GPCPD1: variants seen among roughly 807,000 people sequenced by gnomAD.
The protein encoded by GPCPD1 is glycerophosphocholine phosphodiesterase 1.
Under a neutral mutation model 89.2 loss-of-function variants are expected in GPCPD1, and 29 were observed. The ratio of observed to expected loss-of-function variants is 0.33; its 90% CI spans 0.24 to 0.44. The LOEUF is 0.44. GPCPD1 is among the 20% of genes least tolerant of loss of function. The pLI is 1.00. For missense variants in GPCPD1, 594 were observed against 808.9 expected (o/e 0.73, Z 3.22); for synonymous variants, 258 against 266.3 (o/e 0.97, Z 0.30).
intron 1 of GPCPD1, among the ~76,000 whole-genome samples, chr20:5,610,262 C>T (rs1426710909): frequency 6.6e-6 from 1 of 152,130 alleles, no homozygotes; most frequent in Non-Finnish European, 1.5e-5. Context: ...AAAATTGTAT[C>T]GAGGGCACTC....
At chr20:5,581,899 T>A (rs1257885486) in intron 6 of GPCPD1, among the ~76,000 whole-genome samples, 1 of 130,338 alleles carries the variant, frequency 7.7e-6, no homozygotes, top group Non-Finnish European at 1.6e-5. Flanking sequence ...AAACTACTAC[T>A]CCAGGCCGGG....
chr20:5,587,375 CT>C (rs1390979331), intron 4 of GPCPD1, among the ~76,000 whole-genome samples: 165 of 144,982 alleles, frequency 1.1e-3, no homozygotes, highest in Non-Finnish European at 1.2e-3. Flanking sequence ...TACACATACT[CT>C]TTTTTTTTTT....
intron 19 of GPCPD1, among the ~76,000 whole-genome samples, chr20:5,548,623 T>C (rs1985176463): frequency 6.6e-6 from 1 of 152,174 alleles, no homozygotes; most frequent in African/African-American, 2.4e-5. Context: ...TCTCCCTATA[T>C]TCCATTAAAA....
intron 2 of GPCPD1, among the ~76,000 whole-genome samples, chr20:5,601,803 G>C (rs1275350016): frequency 6.6e-6 from 1 of 152,154 alleles, no homozygotes; most frequent in Non-Finnish European, 1.5e-5. Context: ...GGACTCAGTG[G>C]TTCACTTGCC....
At chr20:5,587,187 A>G (rs1337377357) in intron 4 of GPCPD1, among the ~76,000 whole-genome samples, 1 of 152,164 alleles carries the variant, frequency 6.6e-6, no homozygotes, top group East Asian at 1.9e-4. Context: ...TTAAATACAC[A>G]TTTTGGAAGC....
In GPCPD1 at chr20:5,557,945, C is replaced by T. The variant is rs1456902335; in HGVS notation, c.1829G>A (p.Arg610Lys). The T allele has an allele frequency of 2.0e-6, 3 of 1,517,722 alleles. No individual in the cohort carries two copies. Among genetic ancestry groups the T allele is most frequent in the Non-Finnish European group, 2.7e-6 (3 of 1,108,320 alleles). 94.0% of individuals were successfully genotyped at this position (1,517,722 alleles called of 1,614,324 possible). Reference protein sequence around the residue: ...ELGVNGLIYDRIYDWMPEQPN... With the variant: ...ELGVNGLIYDKIYDWMPEQPN... Reference sequence around the variant, plus strand: ...AAAATTTTTCATGAAAAACAAATACCTATCATAAATTAGACCATTAACTCC... The same window carrying T: ...AAAATTTTTCATGAAAAACAAATACTTATCATAAATTAGACCATTAACTCC... The change falls in exon 19 of 20, where the codon AGG (arginine) becomes AAG (lysine). Residue 610 changes from arginine to lysine, a missense_variant and splice_region_variant. Physicochemically the swap from Arg to Lys is conservative, Grantham distance 26. Transcript: ENST00000379019.
At chr20:5,587,419 A>G (rs1947134734) in intron 4 of GPCPD1, among the ~76,000 whole-genome samples, 1 of 151,880 alleles carries the variant, frequency 6.6e-6, no homozygotes, top group South Asian at 2.1e-4. Context: ...CCCAGGCTAA[A>G]GTGCAATGGC....
intron 19 of GPCPD1, among the ~76,000 whole-genome samples, chr20:5,553,545 C>T (rs894107468): frequency 9.2e-5 from 14 of 152,284 alleles, no homozygotes; most frequent in African/African-American, 3.4e-4. Context: ...AGGCTGAAAG[C>T]TGGGCCTCTT....
At chr20:5,602,355 C>A (rs577559277) in intron 2 of GPCPD1, among the ~76,000 whole-genome samples, 16 of 152,310 alleles carry the variant, frequency 1.1e-4, no homozygotes, top group African/African-American at 3.8e-4. Flanking sequence ...CTACAACTCC[C>A]CAGAAAGAGA....
chr20:5,585,574 AG>A (rs947712743), intron 5 of GPCPD1: 1 of 151,616 alleles, frequency 6.6e-6, no homozygotes. Context: ...GCCATATTTA[AG>A]CATAAGAAAA....
chr20:5,581,138 A>G lies in GPCPD1; in HGVS notation c.350-1007T>C, dbSNP rs1042229313. Among the ~76,000 whole-genome samples, 64 of 152,150 alleles carry G rather than the reference A, an allele frequency of 4.2e-4. 1 individual carries two copies. The highest frequency in any genetic ancestry group is 4.0e-3 in the Admixed American group (61 of 15,264). On this transcript the variant is annotated intron_variant, in intron 6 of 19. Transcript: ENST00000379019. ...GTGATCTGCCTTCCTCAGGCCTCCCAAAGTGCTGGTATTACAGGCATGAGC... is the reference window on the plus strand; with the variant it reads ...GTGATCTGCCTTCCTCAGGCCTCCCGAAGTGCTGGTATTACAGGCATGAGC...
At chr20:5,570,382 C>A (rs1248328613) in intron 11 of GPCPD1, 143 bp from the exon 12 acceptor site, 10 of 154,920 alleles carry the variant, frequency 6.5e-5, no homozygotes, top group African/African-American at 2.4e-4. Context: ...TCTCTTAAAA[C>A]AATGGGTTTT....
At chr20:5,606,619 T>C (rs1980602423) in intron 1 of GPCPD1, among the ~76,000 whole-genome samples, 1 of 152,200 alleles carries the variant, frequency 6.6e-6, no homozygotes, top group Non-Finnish European at 1.5e-5. Flanking sequence ...GAGGCATTTT[T>C]GGTTGTCACA....
At chr20:5,548,060 G>T (rs1283539550) in intron 19 of GPCPD1, among the ~76,000 whole-genome samples, 1 of 152,134 alleles carries the variant, frequency 6.6e-6, no homozygotes, top group Non-Finnish European at 1.5e-5. Context: ...CAGAATAGCA[G>T]CATTGCCCTT....
At position 5,557,961 on chromosome 20, in the gene GPCPD1, C is replaced by G. The variant is rs746067827; in HGVS notation, c.1813G>C (p.Gly605Arg). 2 of 1,585,854 alleles carry G rather than the reference C, an allele frequency of 1.3e-6. No individual in the cohort carries two copies. Among genetic ancestry groups the G allele is most frequent in the African/African-American group, 1.4e-5 (1 of 74,054 alleles). The change falls in exon 19 of 20, where the codon GGT (glycine) becomes CGT (arginine). Residue 605 changes from glycine (G) to arginine (R), a missense_variant. Gly to Arg is a moderately radical substitution (Grantham distance 125). Transcript: ENST00000379019. ...RRKLKELGVN[G>R]LIYDRIYDWM... ...AACAAATACCTATCATAAATTAGACCATTAACTCCAAGTTCCTTCAATTTC... is the reference window on the plus strand; with the variant it reads ...AACAAATACCTATCATAAATTAGACGATTAACTCCAAGTTCCTTCAATTTC...
At chr20:5,570,076 T>TA (rs201661124) in intron 12 of GPCPD1, 71 bp downstream of exon 12, 6 of 686,272 alleles carry the variant, frequency 8.7e-6, no homozygotes, top group East Asian at 2.7e-5. Flanking sequence ...ATTAAAAATA[T>TA]AAAAAAACTT....
At position 5,558,795 on chromosome 20, in the gene GPCPD1, A is replaced by G. The variant is rs778291796; in HGVS notation, c.1557T>C (p.Tyr519=). 2.4e-5 allele frequency: 38 copies of G among 1,573,526 alleles called. No homozygotes were observed. In the East Asian group the frequency reaches 8.2e-4, roughly 34 times the overall value. ...CTMVRQKQNK[Y]PILFLTQGKS... is the part of the protein sequence containing the mutation. ...TTCCTTGAGTTAAAAATAGTATCGG[A>G]TATTTGTTCTGCTTTTGCCGAACCC... Residue 519 remains tyrosine (Y), a synonymous_variant, in exon 18 of 20, where the codon TAT becomes TAC. Coordinates refer to ENST00000379019, the MANE Select transcript of GPCPD1 (RefSeq NM_019593.5).
At chr20:5,593,432 A>C in intron 3 of GPCPD1, 21 bp from the exon 4 acceptor site, 1 of 1,316,988 alleles carries the variant, frequency 7.6e-7, no homozygotes, top group South Asian at 1.2e-5. Flanking sequence ...AGAAAATTAA[A>C]AGCAGCAGCA....
chr20:5,553,219 T>G (rs1452828214), intron 19 of GPCPD1, among the ~76,000 whole-genome samples: 1 of 152,234 alleles, frequency 6.6e-6, no homozygotes, highest in Non-Finnish European at 1.5e-5. Flanking sequence ...CAAAGTTCAT[T>G]ATGATTCTAT....
Sources: gnomAD v4.1 joint callset for allele counts (sites outside exome capture counted in the v4.1 genomes callset) on GRCh38, gnomAD v4.1.1 for gene constraint, MANE v1.5 for transcripts, NCBI Gene and HGNC (gene_info 2026-07-23, HGNC 2026-07-21) for gene names.